The following FRMD5 variants were observed in gnomAD, a reference collection of about 807,000 sequenced individuals.
FRMD5 encodes the protein FERM domain-containing protein 5.
Under a neutral mutation model 69.0 loss-of-function variants are expected in FRMD5, and 20 were observed. The observed-to-expected ratio is 0.29, with a 90% CI of 0.20 to 0.42. FRMD5 has a LOEUF of 0.42. FRMD5 is among the 10% of genes least tolerant of loss of function. The pLI is 1.00. For synonymous variants in FRMD5, 271 were observed against 260.1 expected, an observed-to-expected ratio of 1.04 and a Z score of -0.40; for missense variants, 595 against 708.6, an observed-to-expected ratio of 0.84 and a Z score of 1.82.
At chr15:44,045,322 G>C (rs1216623472) in intron 1 of FRMD5, among the ~76,000 whole-genome samples, 1 of 152,052 alleles carries the variant, frequency 6.6e-6, no homozygotes, top group Non-Finnish European at 1.5e-5. Flanking sequence ...TTAGATTTTT[G>C]AACGTGGCAT....
chr15:43,925,658 GC>G (rs1175455332), intron 1 of FRMD5, among the ~76,000 whole-genome samples: 1 of 152,128 alleles, frequency 6.6e-6, no homozygotes, highest in Admixed American at 6.5e-5. Flanking sequence ...GGCGTCCCAG[GC>G]CCTATACAGC....
intron 1 of FRMD5, among the ~76,000 whole-genome samples, chr15:44,071,203 C>T (rs1893523818): frequency 6.6e-6 from 1 of 152,174 alleles, no homozygotes; most frequent in Non-Finnish European, 1.5e-5. Context: ...TTTCAGTCCC[C>T]ACATCCACTT....
chr15:44,033,282 T>C (rs28656778), intron 1 of FRMD5, among the ~76,000 whole-genome samples: 5,896 of 152,190 alleles, frequency 0.039, 347 homozygotes, highest in African/African-American at 0.13. Context: ...AAAAGATAAC[T>C]ATTGGATACT....
At chr15:43,983,209 G>A (rs890536570) in intron 1 of FRMD5, among the ~76,000 whole-genome samples, 2 of 152,108 alleles carry the variant, frequency 1.3e-5, no homozygotes, top group Non-Finnish European at 2.9e-5. Context: ...GGGATTACAG[G>A]TGTCAGCCAC....
chr15:44,040,564 T>A (rs1219966749), intron 1 of FRMD5, among the ~76,000 whole-genome samples: 1 of 152,148 alleles, frequency 6.6e-6, no homozygotes, highest in Non-Finnish European at 1.5e-5. Context: ...CCAGCCAAAT[T>A]AAGCTTCATA....
At position 43,893,017 on chromosome 15, in the gene FRMD5, T is replaced by C. The variant is rs527376165; in HGVS notation, c.640-948A>G. Among the ~76,000 whole-genome samples the C allele has an allele frequency of 2.6e-3, 394 of 151,956 alleles. 2 individuals are homozygous for C. Among genetic ancestry groups the C allele is most frequent in the African/African-American group, 9.2e-3 (382 of 41,428 alleles). The stretch of plus-strand genomic sequence containing the variant: ...TACTCAGGAGGCTGAGACAGGAGAA[T>C]TGCTTGAACCCAGGAGGTGGAGGTT... On this transcript the variant is annotated intron_variant, in intron 7 of 13. Coordinates refer to ENST00000417257, the MANE Select transcript of FRMD5 (RefSeq NM_032892.5).
At chr15:44,102,874 G>T (rs2076659631) in intron 1 of FRMD5, among the ~76,000 whole-genome samples, 1 of 152,188 alleles carries the variant, frequency 6.6e-6, no homozygotes, top group Non-Finnish European at 1.5e-5. Context: ...AATCAGAAAG[G>T]CTCACTAGTC....
chr15:44,136,089 T>G (rs2077180453), intron 1 of FRMD5, among the ~76,000 whole-genome samples: 1 of 152,146 alleles, frequency 6.6e-6, no homozygotes, highest in Non-Finnish European at 1.5e-5. Context: ...TGGCGCCATC[T>G]TGGCTCACTG....
At chr15:44,110,123 A>C (rs2076776820) in intron 1 of FRMD5, among the ~76,000 whole-genome samples, 1 of 152,144 alleles carries the variant, frequency 6.6e-6, no homozygotes, top group Admixed American at 6.5e-5. Flanking sequence ...TCTTCTGAAG[A>C]ACATTTTGGT....
intron 1 of FRMD5, among the ~76,000 whole-genome samples, chr15:43,972,699 C>A (rs1289897015): frequency 6.6e-6 from 1 of 152,182 alleles, no homozygotes; most frequent in African/African-American, 2.4e-5. Context: ...GGTTTTCTAG[C>A]CTCCACGTGC....
At position 43,940,522 on chromosome 15, in the gene FRMD5, T is replaced by C. The variant is rs190341673; in HGVS notation, c.103-16213A>G. Reference sequence around the variant, plus strand: ...GGGTAGTTTGGTGGGAGTGAGACCATCATGTCTAGAGCATGTTCTAGGAAT... The same window carrying C: ...GGGTAGTTTGGTGGGAGTGAGACCACCATGTCTAGAGCATGTTCTAGGAAT... On this transcript the variant is annotated intron_variant, in intron 1 of 13. Coordinates refer to ENST00000417257, the MANE Select transcript of FRMD5 (RefSeq NM_032892.5). Among the ~76,000 whole-genome samples, 265 of 152,252 alleles carry C rather than the reference T, an allele frequency of 1.7e-3. 2 individuals carry two copies. Among genetic ancestry groups the C allele is most frequent in the African/African-American group, 6.2e-3 (258 of 41,560 alleles).
At chr15:44,072,386 GTTTGTACCT>G (rs1462724245) in intron 1 of FRMD5, among the ~76,000 whole-genome samples, 1 of 152,074 alleles carries the variant, frequency 6.6e-6, no homozygotes, top group Admixed American at 6.6e-5. Flanking sequence ...CCATATAAAT[GTTTGTACCT>G]TTTTGCTACT....
intron 1 of FRMD5, among the ~76,000 whole-genome samples, chr15:44,041,785 G>A (rs1287102862): frequency 2.0e-5 from 3 of 152,176 alleles, no homozygotes; most frequent in African/African-American, 7.2e-5. Context: ...AAAGCAGGGT[G>A]TAGAGGGAAA....
chr15:44,107,418 TG>T (rs1443844731), intron 1 of FRMD5, among the ~76,000 whole-genome samples: 1 of 152,236 alleles, frequency 6.6e-6, no homozygotes, highest in Non-Finnish European at 1.5e-5. Flanking sequence ...ATTGATCTTT[TG>T]GGTAGGAAAT....
chr15:43,908,723 T>C (rs2089227896), intron 5 of FRMD5, among the ~76,000 whole-genome samples: 1 of 151,908 alleles, frequency 6.6e-6, no homozygotes, highest in Non-Finnish European at 1.5e-5. Flanking sequence ...GTGTGAAGAG[T>C]GCATATCTCT....
intron 1 of FRMD5, among the ~76,000 whole-genome samples, chr15:44,149,433 T>C (rs1382677755): frequency 2.6e-5 from 4 of 152,226 alleles, no homozygotes; most frequent in African/African-American, 9.6e-5. Context: ...ATAATTACTT[T>C]AAATATAAAT....
chr15:43,991,983 T>C (rs989089892), intron 1 of FRMD5, among the ~76,000 whole-genome samples: 2 of 152,200 alleles, frequency 1.3e-5, no homozygotes, highest in Admixed American at 1.3e-4. Context: ...AGATGAAGTA[T>C]GAGAGAAACA....
intron 1 of FRMD5, among the ~76,000 whole-genome samples, chr15:44,137,420 A>T (rs1357107740): frequency 6.6e-6 from 1 of 152,238 alleles, no homozygotes; most frequent in Non-Finnish European, 1.5e-5. Context: ...GATCTGCATC[A>T]GCAAAATGAA....
At chr15:43,908,496 G>A (rs1449161832) in intron 5 of FRMD5, among the ~76,000 whole-genome samples, 1 of 152,190 alleles carries the variant, frequency 6.6e-6, no homozygotes, top group South Asian at 2.1e-4. Context: ...TTGCCAGAAG[G>A]ACTTTAGTTT....
Sources: allele counts gnomAD v4.1 joint callset (sites outside exome capture counted in the v4.1 genomes callset), GRCh38; gene constraint gnomAD v4.1.1; transcripts MANE v1.5; gene names NCBI Gene and HGNC (gene_info 2026-07-23, HGNC 2026-07-21).